DOK5: variants seen among roughly 807,000 people sequenced by gnomAD.
DOK5 encodes downstream of tyrosine kinase 5.
DOK5 carries 27 observed loss-of-function variants against 43.3 expected under a neutral mutation model. That is an observed-to-expected ratio of 0.62 (90% confidence interval 0.46 to 0.86). DOK5 has a LOEUF of 0.86. Ranked by LOEUF, DOK5 falls within the 40% of genes least tolerant of loss-of-function variation. DOK5 has a pLI of 0.00. For missense variants in DOK5, 373 were observed against 392.9 expected (o/e 0.95, Z 0.43); for synonymous variants, 146 against 140.1 (o/e 1.04, Z -0.30).
chr20:54,604,831 T>A (rs1235443091), intron 5 of DOK5, among the ~76,000 whole-genome samples: 6 of 151,692 alleles, frequency 4.0e-5, no homozygotes, highest in African/African-American at 1.5e-4. Context: ...TGAAACCCCA[T>A]CTCAACTAAA....
In DOK5 at chr20:54,641,766, A is replaced by T. The variant is rs185238880; in HGVS notation, c.736-1692A>T. 1.4e-3 allele frequency among the ~76,000 whole-genome samples: 213 copies of T among 152,304 alleles called. 1 individual carries two copies. Among genetic ancestry groups the T allele is most frequent in the Non-Finnish European group, 2.6e-3 (177 of 68,018 alleles). The stretch of plus-strand genomic sequence containing the variant: ...TGTCTCCTTCGTGGTACGACATATA[A>T]ATGTTTCATTTCCAATTCATGTAAA... On this transcript the variant is annotated intron_variant, in intron 6 of 7. Coordinates refer to ENST00000262593, the MANE Select transcript of DOK5 (RefSeq NM_018431.5).
intron 2 of DOK5, among the ~76,000 whole-genome samples, chr20:54,579,008 C>G (rs986426717): frequency 2.0e-5 from 3 of 152,112 alleles, no homozygotes; most frequent in African/African-American, 7.2e-5. Context: ...TGTTTGTATG[C>G]TGTACTGTTG....
intron 5 of DOK5, among the ~76,000 whole-genome samples, chr20:54,604,151 T>A (rs1986391931): frequency 1.3e-5 from 2 of 151,906 alleles, no homozygotes; most frequent in Admixed American, 6.6e-5. Context: ...TTTCACCGTG[T>A]TAGCCAGGAT....
intron 1 of DOK5, among the ~76,000 whole-genome samples, chr20:54,538,674 A>C (rs1984037714): frequency 6.6e-6 from 1 of 152,224 alleles, no homozygotes; most frequent in South Asian, 2.1e-4. Context: ...AATATTTAGG[A>C]CAATGATAAA....
intron 1 of DOK5, among the ~76,000 whole-genome samples, chr20:54,517,225 G>A (rs7274114): frequency 6.6e-6 from 1 of 152,120 alleles, no homozygotes; most frequent in Non-Finnish European, 1.5e-5. Flanking sequence ...TCAGCAATTG[G>A]TTAACCTATT....
Position 54,610,468 on chromosome 20 carries a change from C to A in DOK5, c.680C>A (p.Ala227Asp). The part of the protein sequence containing the change: ...EAIYQKVHSA[A>D]LAIAEQHERL... ...ATCTATCAGAAAGTCCACTCTGCTG[C>A]CTTGGCCATAGCCGAGCAGCACGAG... Residue 227 changes from alanine (A) to aspartate (D), a missense_variant, in exon 6 of 8, where the codon GCC (alanine) becomes GAC (aspartate). Ala to Asp is a moderately radical substitution (Grantham distance 126, BLOSUM62 -2). Transcript: ENST00000262593. 6.3e-7 allele frequency: 1 copy of A among 1,586,984 alleles called. No individual in the cohort carries two copies. Among genetic ancestry groups the A allele is most frequent in the Middle Eastern group, 1.7e-4 (1 of 5,972 alleles).
intron 1 of DOK5, among the ~76,000 whole-genome samples, chr20:54,513,908 G>C (rs6127208): frequency 6.6e-6 from 1 of 152,102 alleles, no homozygotes; most frequent in Non-Finnish European, 1.5e-5. Flanking sequence ...TTTTGAATTA[G>C]GACAGATTAT....
At chr20:54,552,925 C>T (rs1049657081) in intron 1 of DOK5, among the ~76,000 whole-genome samples, 1 of 152,176 alleles carries the variant, frequency 6.6e-6, no homozygotes, top group Non-Finnish European at 1.5e-5. Context: ...CTGCCAGGTA[C>T]TGATAGAATT....
In DOK5 at chr20:54,501,466, C is replaced by CAA. The variant is rs76224592; in HGVS notation, c.66+25479_66+25480dup. Among the ~76,000 whole-genome samples, 83 of 19,362 alleles carry CAA rather than the reference C, an allele frequency of 4.3e-3. 2 individuals carry two copies. The highest frequency in any genetic ancestry group is 0.013 in the African/African-American group (60 of 4,654). The allele number at this position is 19,362 out of a possible 152,430, so 12.7% of individuals were successfully genotyped here. On this transcript the variant is annotated intron_variant, in intron 1 of 7. Transcript: ENST00000262593. The stretch of plus-strand genomic sequence containing the variant: ...TGGGTGACAGAGCGAGACTCACTCT[C>CAA]AAAAAAAAAAAAAAAAAAAAAAAAA...
In DOK5 at chr20:54,650,490, C is replaced by A. The variant is rs746871266; in HGVS notation, c.*11C>A. 8 of 1,613,320 alleles carry A rather than the reference C, an allele frequency of 5.0e-6. No individual in the cohort carries two copies. The highest frequency in any genetic ancestry group is 6.8e-6 in the Non-Finnish European group (8 of 1,179,640). On this transcript the variant is annotated 3_prime_UTR_variant, in exon 8 of 8. Transcript: ENST00000262593. Reference sequence around the variant, plus strand: ...AGATCTGAGCACTGACAGTAACTGCCAAGAATTGTTAACACACTTGTGATG... The same window carrying A: ...AGATCTGAGCACTGACAGTAACTGCAAAGAATTGTTAACACACTTGTGATG...
intron 5 of DOK5, among the ~76,000 whole-genome samples, chr20:54,595,730 A>T (rs1986120326): frequency 6.6e-6 from 1 of 152,246 alleles, no homozygotes; most frequent in Non-Finnish European, 1.5e-5. Flanking sequence ...GGGCTGGTGC[A>T]AACTTGAGAT....
intron 6 of DOK5, among the ~76,000 whole-genome samples, chr20:54,614,099 T>G (rs529618399): frequency 1.3e-5 from 2 of 151,882 alleles, no homozygotes; most frequent in South Asian, 4.2e-4. Flanking sequence ...ACAAAAAACC[T>G]GTGCATCAGC....
chr20:54,575,282 T>C (rs1295684051), intron 2 of DOK5, among the ~76,000 whole-genome samples: 1 of 152,180 alleles, frequency 6.6e-6, no homozygotes, highest in Non-Finnish European at 1.5e-5. Flanking sequence ...GATTCTGGAT[T>C]GGAGTGATGG....
chr20:54,521,298 T>C (rs550115926), intron 1 of DOK5, among the ~76,000 whole-genome samples: 1 of 152,244 alleles, frequency 6.6e-6, no homozygotes, highest in South Asian at 2.1e-4. Flanking sequence ...TACTAACTCC[T>C]GGAGCTTGTA....
At chr20:54,623,998 C>G (rs1236499356) in intron 6 of DOK5, among the ~76,000 whole-genome samples, 1 of 152,202 alleles carries the variant, frequency 6.6e-6, no homozygotes, top group East Asian at 1.9e-4. Flanking sequence ...GAGCCGAGAG[C>G]TCTTGTTTCC....
At chr20:54,571,138 A>G (rs972833113) in intron 2 of DOK5, among the ~76,000 whole-genome samples, 1 of 152,196 alleles carries the variant, frequency 6.6e-6, no homozygotes, top group Non-Finnish European at 1.5e-5. Context: ...GAATCACAGT[A>G]CTTTGTGTAT....
At chr20:54,642,122 C>T (rs1181353804) in intron 6 of DOK5, among the ~76,000 whole-genome samples, 1 of 152,070 alleles carries the variant, frequency 6.6e-6, no homozygotes, top group African/African-American at 2.4e-5. Context: ...CATGCGTTGA[C>T]CCCGTTCACC....
At chr20:54,617,003 G>A (rs1600740014) in intron 6 of DOK5, among the ~76,000 whole-genome samples, 1 of 152,030 alleles carries the variant, frequency 6.6e-6, no homozygotes, top group African/African-American at 2.4e-5. Flanking sequence ...TGTTAGCCAG[G>A]ATGGTCTCGA....
intron 2 of DOK5, among the ~76,000 whole-genome samples, chr20:54,569,825 C>T (rs759769354): frequency 6.6e-6 from 1 of 152,228 alleles, no homozygotes. Flanking sequence ...ACATTTATAA[C>T]TCAGACAGGC....
Sources: gnomAD v4.1 joint callset for allele counts (sites outside exome capture counted in the v4.1 genomes callset) on GRCh38, gnomAD v4.1.1 for gene constraint, MANE v1.5 for transcripts, NCBI Gene and HGNC (gene_info 2026-07-23, HGNC 2026-07-21) for gene names.